The following HEPH variants were observed in gnomAD, a reference collection of about 807,000 sequenced individuals.
HEPH encodes hephaestin.
In HEPH, 69 loss-of-function variants were observed where a neutral mutation model predicts 80.8. The ratio of observed to expected loss-of-function variants is 0.85; its 90% CI spans 0.70 to 1.04. The LOEUF (loss-of-function observed/expected upper bound fraction) is 1.04, where lower values mean the gene tolerates loss of function less well. Among genes scored for constraint, HEPH ranks in the 50% least tolerant of loss-of-function variants. The pLI, the probability that HEPH is intolerant of heterozygous loss-of-function variation, is 0.00. For synonymous variants in HEPH, 431 were observed against 322.8 expected (o/e 1.34, Z -3.60); for missense variants, 1,115 against 891.3 (o/e 1.25, Z -3.20).
At chrX:66,218,396 C>T (rs2147916592) in intron 15 of HEPH, among the ~76,000 whole-genome samples, 1 of 112,018 alleles carries the variant, frequency 8.9e-6, no homozygotes, top group South Asian at 3.7e-4. Flanking sequence ...AAGGAACCCT[C>T]AGAACCACTC....
intron 17 of HEPH, 114 bp downstream of exon 17, chrX:66,256,444 T>C: frequency 3.8e-6 from 2 of 521,894 alleles, no homozygotes; most frequent in Non-Finnish European, 6.3e-6. Context: ...GACACGAACA[T>C]GGGAAGGTGA....
At chrX:66,213,895 TC>T (rs2147886051) in intron 15 of HEPH, among the ~76,000 whole-genome samples, 1 of 112,472 alleles carries the variant, frequency 8.9e-6, no homozygotes, top group South Asian at 3.7e-4. Flanking sequence ...AAATCTGCCT[TC>T]TAGAACTCCA....
intron 1 of HEPH, 88 bp from the exon 2 acceptor site, chrX:66,170,470 C>T: frequency 1.2e-6 from 1 of 830,399 alleles, no homozygotes; most frequent in South Asian, 2.9e-5. Flanking sequence ...CTCAACCTGG[C>T]TCTTGCCTCT....
chrX:66,251,441 C>G (rs1225509299), intron 15 of HEPH, among the ~76,000 whole-genome samples: 3 of 111,993 alleles, frequency 2.7e-5, no homozygotes, highest in African/African-American at 6.5e-5. Flanking sequence ...TTGCATTTTC[C>G]AAATGGCTAA....
At position 66,266,725 on chromosome X, in the gene HEPH, C is replaced by T; in HGVS notation, c.*53C>T. The T allele has an allele frequency of 1.1e-6, 1 of 890,172 alleles. No individual in the cohort carries two copies. The highest frequency in any genetic ancestry group is 1.6e-6 in the Non-Finnish European group (1 of 618,138). The allele number at this position is 890,172 out of a possible 1,213,427, so 73.4% of individuals were successfully genotyped here. ...AAGCACATCTGTAGTGCACTCCCAG[C>T]AGGCCATGGACTAGTCACTAACCCC... On this transcript the variant is annotated 3_prime_UTR_variant, in exon 21 of 21. Transcript: ENST00000343002.
At position 66,263,701 on chromosome X, in the gene HEPH, A is replaced by G; in HGVS notation, c.3244+13A>G. On this transcript the variant is annotated intron_variant, in intron 20 of 20. Coordinates refer to ENST00000343002, the MANE Select transcript of HEPH (RefSeq NM_001367233.3). Reference sequence around the variant, plus strand: ...GAGACTGAAAAAGGTACGTAAAATGATGCACAGACTGGGTACTTATACATA... The same window carrying G: ...GAGACTGAAAAAGGTACGTAAAATGGTGCACAGACTGGGTACTTATACATA... 1 of 1,202,328 alleles carries G rather than the reference A, an allele frequency of 8.3e-7. No homozygotes were observed. The highest frequency in any genetic ancestry group is 1.1e-6 in the Non-Finnish European group (1 of 887,319).
Position 66,258,865 on chromosome X carries a change from C to T in HEPH, c.2922C>T (p.Asn974=). The change falls in exon 18 of 21, where the codon AAC becomes AAT. Residue 974 remains asparagine, a synonymous_variant. Transcript: ENST00000343002. The part of the protein sequence containing the change: ...MHAINGKLYA[N]LRGLTMYQGE... ...CAATCAATGGGAAACTCTATGCCAACCTTAGGGGTCTTACCATGTACCAAG... is the reference window on the plus strand; with the variant it reads ...CAATCAATGGGAAACTCTATGCCAATCTTAGGGGTCTTACCATGTACCAAG... The T allele has an allele frequency of 8.5e-7, 1 of 1,176,569 alleles. No individual in the cohort carries two copies. Among genetic ancestry groups the T allele is most frequent in the South Asian group, 1.9e-5 (1 of 51,894 alleles).
intron 15 of HEPH, among the ~76,000 whole-genome samples, chrX:66,237,856 G>C (rs1345140657): frequency 8.9e-6 from 1 of 112,322 alleles, no homozygotes; most frequent in Non-Finnish European, 1.9e-5. Context: ...TTGTTGAAGT[G>C]AACCCTTTGC....
chrX:66,162,740 T>A, upstream of HEPH: 1 of 1,155,748 alleles, frequency 8.7e-7, no homozygotes, highest in Admixed American at 2.6e-5. Flanking sequence ...GACCCAGACT[T>A]TGCCCTACCA....
At chrX:66,172,853 A>C (rs1046741971) in intron 3 of HEPH, among the ~76,000 whole-genome samples, 1 of 111,827 alleles carries the variant, frequency 8.9e-6, no homozygotes, top group African/African-American at 3.3e-5. Context: ...GACACAGTCT[A>C]CCTCTTAACA....
intron 15 of HEPH, among the ~76,000 whole-genome samples, chrX:66,242,372 A>C (rs1187298289): frequency 8.9e-6 from 1 of 112,038 alleles, no homozygotes; most frequent in Non-Finnish European, 1.9e-5. Context: ...TCAACTCAAA[A>C]TTGATTAAAG....
intron 15 of HEPH, among the ~76,000 whole-genome samples, chrX:66,244,873 G>T (rs186011795): frequency 2.8e-5 from 3 of 106,297 alleles, no homozygotes; most frequent in Non-Finnish European, 5.7e-5. Context: ...TGATTGTGGT[G>T]CAAGGTGGGT....
At chrX:66,265,568 G>C (rs1048270690) in intron 20 of HEPH, among the ~76,000 whole-genome samples, 1 of 110,930 alleles carries the variant, frequency 9.0e-6, no homozygotes, top group African/African-American at 3.3e-5. Context: ...TTAATTATGG[G>C]GGTACAAGGT....
chrX:66,177,666 A>G (rs1249144923), intron 4 of HEPH, among the ~76,000 whole-genome samples: 1 of 111,500 alleles, frequency 9.0e-6, no homozygotes, highest in Non-Finnish European at 1.9e-5. Context: ...TTTTTCAAAG[A>G]ACCAGCTTTT....
At chrX:66,258,799 C>G in intron 17 of HEPH, 41 bp from the exon 18 acceptor site, 1 of 1,045,970 alleles carries the variant, frequency 9.6e-7, no homozygotes, top group Non-Finnish European at 1.3e-6. Context: ...ATGTAAGAAG[C>G]TTTTTCTTTT....
At chrX:66,180,053 G>A (rs2087022053) in intron 4 of HEPH, among the ~76,000 whole-genome samples, 1 of 111,218 alleles carries the variant, frequency 9.0e-6, no homozygotes, top group South Asian at 3.8e-4. Flanking sequence ...TTTTTTAAGT[G>A]GGGCATTTAG....
chrX:66,207,549 T>C (rs2088860711), intron 14 of HEPH, among the ~76,000 whole-genome samples: 1 of 112,099 alleles, frequency 8.9e-6, no homozygotes, highest in South Asian at 3.8e-4. Flanking sequence ...CTGGGTTTTC[T>C]ATAGCTTCAA....
chrX:66,208,389 C>T lies in HEPH; in HGVS notation c.2563+143C>T, dbSNP rs376092349. 69 of 543,293 alleles carry T rather than the reference C, an allele frequency of 1.3e-4. 1 individual carries two copies. The Middle Eastern group carries it at 1.8e-3, about 14-fold the overall frequency. The allele number at this position is 543,293 out of a possible 1,213,427, so 44.8% of individuals were successfully genotyped here. A position where few individuals can be genotyped will look rare whatever the true frequency, so the allele number is the denominator to read the frequency against. On this transcript the variant is annotated intron_variant, in intron 15 of 20. Transcript: ENST00000343002. ...ATCCCAGCAGTTTGAGAGGCTGAGG[C>T]GGGTGGATCACTTGAGGTTAGGAGT... is the stretch of plus-strand genomic sequence containing the variant.
chrX:66,170,852 C>G, intron 2 of HEPH, 115 bp downstream of exon 2: 2 of 617,224 alleles, frequency 3.2e-6, no homozygotes, highest in African/African-American at 2.2e-5. Context: ...CTCCTGATTG[C>G]TCCGAGCTGT....
Sources: gnomAD v4.1 joint callset for allele counts (sites outside exome capture counted in the v4.1 genomes callset) on GRCh38, gnomAD v4.1.1 for gene constraint, MANE v1.5 for transcripts, NCBI Gene and HGNC (gene_info 2026-07-23, HGNC 2026-07-21) for gene names.